The following CTTNBP2NL variants were observed in gnomAD, a reference collection of about 807,000 sequenced individuals.
CTTNBP2NL encodes CTTNBP2 N-terminal-like protein.
In CTTNBP2NL, 16 loss-of-function variants were observed where a neutral mutation model predicts 32.5. That is an observed-to-expected ratio of 0.49 (90% CI 0.33 to 0.75). The LOEUF (loss-of-function observed/expected upper bound fraction) is 0.75. Among genes scored for constraint, CTTNBP2NL ranks in the 30% least tolerant of loss-of-function variants. The pLI, the probability that CTTNBP2NL is intolerant of heterozygous loss-of-function variation, is 0.02. For missense variants in CTTNBP2NL, 645 were observed against 756.0 expected (o/e 0.85, Z 1.72); for synonymous variants, 298 against 289.4 (o/e 1.03, Z -0.30).
At chr1:112,441,776 T>A (rs1649897738) in intron 3 of CTTNBP2NL, among the ~76,000 whole-genome samples, 1 of 152,188 alleles carries the variant, frequency 6.6e-6, no homozygotes, top group Non-Finnish European at 1.5e-5. Flanking sequence ...TTTTTTAACT[T>A]ACACCTCCCT....
At chr1:112,430,342 C>G (rs1649532633) in intron 3 of CTTNBP2NL, among the ~76,000 whole-genome samples, 1 of 151,990 alleles carries the variant, frequency 6.6e-6, no homozygotes, top group South Asian at 2.1e-4. Context: ...CTTCCCACCT[C>G]AGCCTCTTAA....
chr1:112,446,383 G>GA (rs916570399), intron 3 of CTTNBP2NL, among the ~76,000 whole-genome samples: 9 of 148,422 alleles, frequency 6.1e-5, no homozygotes, highest in South Asian at 4.3e-4. Context: ...AAAGAAAAAA[G>GA]AAAAAAAAAA....
upstream of CTTNBP2NL, among the ~76,000 whole-genome samples, chr1:112,394,650 T>TG (rs144954803): frequency 9.6e-4 from 146 of 152,300 alleles, no homozygotes; most frequent in African/African-American, 3.4e-3. Flanking sequence ...TATACAGAGA[T>TG]GACCCTCCCA....
chr1:112,416,932 T>A (rs966814789), intron 3 of CTTNBP2NL, among the ~76,000 whole-genome samples: 5 of 152,140 alleles, frequency 3.3e-5, no homozygotes, highest in Admixed American at 1.3e-4. Flanking sequence ...AGATCAAGGA[T>A]CCCATGAAAA....
In CTTNBP2NL at chr1:112,412,276, GT is replaced by G. The variant is rs1353707280; in HGVS notation, c.-48del. 6.6e-6 allele frequency: 1 copy of G among 152,134 alleles called. No homozygotes were observed. The highest frequency in any genetic ancestry group is 1.5e-5 in the Non-Finnish European group (1 of 68,028). 9.4% of individuals were successfully genotyped at this position (152,134 alleles called of 1,614,324 possible). On this transcript the variant is annotated 5_prime_UTR_variant, in exon 2 of 6. The change creates a premature stop within an existing upstream ORF in the 5' untranslated region. Coordinates refer to ENST00000271277, the MANE Select transcript of CTTNBP2NL (RefSeq NM_018704.3). The stretch of plus-strand genomic sequence containing the variant: ...AATTTTTTACTGAAGAAAACTGTAA[GT>G]TTATACTTGAGGACTGAAGTGTGAC...
At chr1:112,452,335 C>CTTTTTTTTTTTTTTTTTTTTTT (rs1157736195) in intron 4 of CTTNBP2NL, among the ~76,000 whole-genome samples, 1 of 65,688 alleles carries the variant, frequency 1.5e-5, no homozygotes, top group African/African-American at 6.1e-5. Flanking sequence ...CCAGTCTCTT[C>CTTTTTTTTTTTTTTTTTTTTTT]TTTTTTTTTT....
rs1258730715 is a variant in CTTNBP2NL at position 112,457,628 on chromosome 1, C to T, written c.*216C>T. The T allele has an allele frequency of 2.0e-6, 1 of 496,050 alleles. No homozygotes were observed. The highest frequency in any genetic ancestry group is 3.5e-6 in the Non-Finnish European group (1 of 283,984). The allele number at this position is 496,050 out of a possible 1,614,324, so 30.7% of individuals were successfully genotyped here. On this transcript the variant is annotated 3_prime_UTR_variant, in exon 6 of 6. Transcript: ENST00000271277. ...TCTTTTTACTGAAGCCAGAAAGGCA[C>T]CTCAAAGATGTCTCAAGCTCAGCAG...
chr1:112,449,371 T>G (rs1429867016), intron 4 of CTTNBP2NL, among the ~76,000 whole-genome samples, 199 bp downstream of exon 4: 1 of 43,644 alleles, frequency 2.3e-5, no homozygotes, highest in African/African-American at 5.2e-5. Context: ...TTAGAGAACG[T>G]GCCAGACACG....
chr1:112,460,543 T>G lies in CTTNBP2NL; in HGVS notation c.*3131T>G, dbSNP rs1019631005. ...ATCCCTAGAAAAATGAATATGCCTA[T>G]ATGCAAAATTTGTTTGATGGCTTCA... On this transcript the variant is annotated 3_prime_UTR_variant, in exon 6 of 6. Coordinates refer to ENST00000271277, the MANE Select transcript of CTTNBP2NL (RefSeq NM_018704.3). 1 of 152,216 alleles carries G rather than the reference T, an allele frequency of 6.6e-6. No individual in the cohort carries two copies. Among genetic ancestry groups the G allele is most frequent in the Non-Finnish European group, 1.5e-5 (1 of 68,028 alleles). 9.4% of individuals were successfully genotyped at this position (152,216 alleles called of 1,614,324 possible).
chr1:112,445,060 G>A (rs1321391302), intron 3 of CTTNBP2NL, among the ~76,000 whole-genome samples: 1 of 152,316 alleles, frequency 6.6e-6, no homozygotes, highest in African/African-American at 2.4e-5. Context: ...CACTTGCTGT[G>A]TGGGAAGCTG....
At chr1:112,454,685 GGA>G in intron 5 of CTTNBP2NL, 129 bp downstream of exon 5, 1 of 713,992 alleles carries the variant, frequency 1.4e-6, no homozygotes, top group Non-Finnish European at 2.5e-6. Context: ...AGGAACTACT[GGA>G]TTAAGCAAAG....
In CTTNBP2NL at chr1:112,460,989, G is replaced by A. The variant is rs1442290607; in HGVS notation, c.*3577G>A. On this transcript the variant is annotated 3_prime_UTR_variant, in exon 6 of 6. Transcript: ENST00000271277. ...ACTTCAACTGTCTTTCAAAACACTG[G>A]CTTCAAAATAGGATGTGTTTTCCTA... is the stretch of plus-strand genomic sequence containing the variant. 1 of 152,072 alleles carries A rather than the reference G, an allele frequency of 6.6e-6. No homozygotes were observed. Among genetic ancestry groups the A allele is most frequent in the Non-Finnish European group, 1.5e-5 (1 of 68,026 alleles). 9.4% of individuals were successfully genotyped at this position (152,072 alleles called of 1,614,324 possible). A position where few individuals can be genotyped will look rare whatever the true frequency, so the allele number is the denominator to read the frequency against.
chr1:112,426,845 A>T (rs1044575029), intron 3 of CTTNBP2NL, among the ~76,000 whole-genome samples: 4 of 152,104 alleles, frequency 2.6e-5, no homozygotes, highest in African/African-American at 9.7e-5. Context: ...ACCTCAAGTG[A>T]TCTGCCCACT....
intron 3 of CTTNBP2NL, among the ~76,000 whole-genome samples, chr1:112,421,310 C>CTTTTTTT (rs34750717): frequency 2.6e-5 from 3 of 115,920 alleles, no homozygotes; most frequent in East Asian, 5.0e-4. Flanking sequence ...CATTTCTTTT[C>CTTTTTTT]TTTTTTTTTT....
At chr1:112,437,725 A>G (rs1407617511) in intron 3 of CTTNBP2NL, among the ~76,000 whole-genome samples, 1 of 151,974 alleles carries the variant, frequency 6.6e-6, no homozygotes, top group Non-Finnish European at 1.5e-5. Flanking sequence ...GGGTTTTACC[A>G]TGTTAGCCAG....
At chr1:112,412,760 G>A (rs550451112) in intron 2 of CTTNBP2NL, among the ~76,000 whole-genome samples, 42 of 151,986 alleles carry the variant, frequency 2.8e-4, no homozygotes, top group African/African-American at 9.7e-4. Flanking sequence ...GGGACTACAG[G>A]TGTGCACCAC....
At position 112,454,568 on chromosome 1, in the gene CTTNBP2NL, A is replaced by T. The variant is rs200426163; in HGVS notation, c.438+12A>T. The stretch of plus-strand genomic sequence containing the variant: ...GGCTGACTCAACAGGTAATTAAGGT[A>T]GAGGGATTCACAGTAGCATTTGCCT... On this transcript the variant is annotated intron_variant, in intron 5 of 5. Coordinates refer to ENST00000271277, the MANE Select transcript of CTTNBP2NL (RefSeq NM_018704.3). 1.2e-5 allele frequency: 19 copies of T among 1,554,540 alleles called. No individual in the cohort carries two copies. Among genetic ancestry groups the T allele is most frequent in the Non-Finnish European group, 1.7e-5 (19 of 1,125,958 alleles).
chr1:112,401,761 A>T (rs1457264101), intron 1 of CTTNBP2NL, among the ~76,000 whole-genome samples: 1 of 152,128 alleles, frequency 6.6e-6, no homozygotes, highest in Non-Finnish European at 1.5e-5. Flanking sequence ...GAACTAGATA[A>T]TGCAATGCGC....
At chr1:112,439,413 A>T (rs1488994791) in intron 3 of CTTNBP2NL, among the ~76,000 whole-genome samples, 1 of 152,178 alleles carries the variant, frequency 6.6e-6, no homozygotes, top group East Asian at 1.9e-4. Flanking sequence ...GTGTAATATC[A>T]GTCTGTTTAT....
Sources: gnomAD v4.1 joint callset for allele counts (sites outside exome capture counted in the v4.1 genomes callset) on GRCh38, gnomAD v4.1.1 for gene constraint, MANE v1.5 for transcripts, NCBI Gene and HGNC (gene_info 2026-07-23, HGNC 2026-07-21) for gene names.